The following CACNA1S variants were observed in gnomAD, a reference collection of about 807,000 sequenced individuals.
CACNA1S encodes the protein voltage-dependent L-type calcium channel subunit alpha-1S.
Under a neutral mutation model 207.4 loss-of-function variants are expected in CACNA1S, and 126 were observed. That is an observed-to-expected ratio of 0.61 (90% CI 0.53 to 0.70). The LOEUF is 0.70. Among genes scored for constraint, CACNA1S ranks in the 30% least tolerant of loss-of-function variants. The probability of loss-of-function intolerance (pLI) is 0.00; values close to 1 mark genes in which losing one functional copy is unlikely to be tolerated. For missense variants in CACNA1S, 2,349 were observed against 2,422.8 expected, an observed-to-expected ratio of 0.97 and a Z score of 0.64; for synonymous variants, 960 against 932.7, an observed-to-expected ratio of 1.03 and a Z score of -0.53.
chr1:201,039,923 T>C lies in CACNA1S; in HGVS notation c.5530A>G (p.Ser1844Gly). 6.2e-7 allele frequency: 1 copy of C among 1,614,122 alleles called. No homozygotes were observed. The highest frequency in any genetic ancestry group is 8.5e-7 in the Non-Finnish European group (1 of 1,180,036). The change falls in exon 44 of 44, where the codon AGC becomes GGC. Residue 1844 changes from serine to glycine, a missense_variant. By Grantham distance (56) the Ser-to-Gly change is moderately conservative. Transcript: ENST00000362061. ...KGREAPEGMASSLGCLNLGSS... is the reference protein window; with the variant it reads ...KGREAPEGMAGSLGCLNLGSS... ...CCGAGGTTCAGGCATCCCAGGGAGC[T>C]GGCCATGCCCTCTGGGGCCTCTCGT...
chr1:201,049,057 C>A lies in CACNA1S; in HGVS notation c.4284G>T (p.Arg1428Ser). ...TCCCAAAGCCCAGAGGGGGCTGAAT[C>A]CTTCTCAGCAGGGTCACCACGTCCA... ...KHLDVVTLLR[R>S]IQPPLGFGKF... is the part of the protein sequence containing the mutation. The change falls in exon 35 of 44, where the codon AGG becomes AGT. Residue 1428 changes from arginine (R) to serine (S), a missense_variant. Coordinates refer to ENST00000362061, the MANE Select transcript of CACNA1S (RefSeq NM_000069.3). 6.2e-7 allele frequency: 1 copy of A among 1,613,850 alleles called. No individual in the cohort carries two copies. Among genetic ancestry groups the A allele is most frequent in the Non-Finnish European group, 8.5e-7 (1 of 1,179,920 alleles).
rs7532130 is a variant in CACNA1S, at chr1:201,091,397, C to T, written c.694+243G>A. On this transcript the variant is annotated intron_variant, in intron 5 of 43. Coordinates refer to ENST00000362061, the MANE Select transcript of CACNA1S (RefSeq NM_000069.3). ...GGAACATACCACATTGTATGTGGGG[C>T]AGGGGGGTGACGGTGTTTCAGAACC... Among the ~76,000 whole-genome samples, 151,711 of 152,340 alleles carry T rather than the reference C, an allele frequency of 1. 75,543 individuals carry two copies. The highest frequency in any genetic ancestry group is 1 in the Middle Eastern group (294 of 294).
At chr1:201,049,903 A>T (rs1481265816) in intron 34 of CACNA1S, among the ~76,000 whole-genome samples, 1 of 152,200 alleles carries the variant, frequency 6.6e-6, no homozygotes, top group Non-Finnish European at 1.5e-5. Flanking sequence ...TCTGAGACTG[A>T]GACCATCGGG....
chr1:201,045,414 T>C (rs1374499365), intron 38 of CACNA1S, among the ~76,000 whole-genome samples: 1 of 152,124 alleles, frequency 6.6e-6, no homozygotes, highest in Non-Finnish European at 1.5e-5. Flanking sequence ...GCAAATGAAA[T>C]TTGAATGGGG....
intron 2 of CACNA1S, among the ~76,000 whole-genome samples, chr1:201,095,355 G>T (rs1440418002): frequency 6.6e-6 from 1 of 152,090 alleles, no homozygotes; most frequent in East Asian, 1.9e-4. Flanking sequence ...TCAGCACACT[G>T]CGGAGGCGTC....
chr1:201,045,974 T>C (rs1660455327), intron 38 of CACNA1S, among the ~76,000 whole-genome samples: 1 of 148,440 alleles, frequency 6.7e-6, no homozygotes, highest in Non-Finnish European at 1.5e-5. Context: ...TTTTTAAAAG[T>C]ATGAGATTAT....
chr1:201,087,227 G>C lies in CACNA1S; in HGVS notation c.1004+599C>G, dbSNP rs148064869. On this transcript the variant is annotated intron_variant, in intron 7 of 43. Coordinates refer to ENST00000362061, the MANE Select transcript of CACNA1S (RefSeq NM_000069.3). ...TATATGTATTAACTTATTTAATCCT[G>C]ACAACAACCCTATGAGATAGATACT... Among the ~76,000 whole-genome samples the C allele has an allele frequency of 7.6e-4, 116 of 152,312 alleles. 2 individuals are homozygous for C. The Middle Eastern group carries it at 0.014, about 18-fold the overall frequency.
At chr1:201,103,315 A>G (rs191502560) in intron 2 of CACNA1S, among the ~76,000 whole-genome samples, 18 of 151,860 alleles carry the variant, frequency 1.2e-4, no homozygotes, top group Non-Finnish European at 2.9e-5. Context: ...AGGTTCAGAG[A>G]GTTTAGGAAG....
intron 12 of CACNA1S, among the ~76,000 whole-genome samples, chr1:201,076,619 C>T (rs138456731): frequency 1.1e-3 from 173 of 152,332 alleles, no homozygotes; most frequent in African/African-American, 3.8e-3. Context: ...AGCACGCATC[C>T]GGACTCCCAG....
rs115435141 is a variant in CACNA1S, at chr1:201,072,509, C to G, written c.2227+246G>C. On this transcript the variant is annotated intron_variant, in intron 16 of 43. Transcript: ENST00000362061. Reference sequence around the variant, plus strand: ...TTGGCAGTGAGGCACATAGCTGGCACTCAATAAATACTTGCTGAGTTACAT... The same window carrying G: ...TTGGCAGTGAGGCACATAGCTGGCAGTCAATAAATACTTGCTGAGTTACAT... Among the ~76,000 whole-genome samples, 1,356 of 152,288 alleles carry G rather than the reference C, an allele frequency of 8.9e-3. 14 individuals carry two copies. The highest frequency in any genetic ancestry group is 0.013 in the Non-Finnish European group (911 of 68,022).
chr1:201,083,046 A>T, intron 10 of CACNA1S, 116 bp downstream of exon 10: 1 of 1,092,310 alleles, frequency 9.2e-7, no homozygotes, highest in Admixed American at 2.0e-5. Context: ...TTTTAGAAAA[A>T]TGATGTCAAT....
chr1:201,106,668 T>C (rs998135), intron 2 of CACNA1S, among the ~76,000 whole-genome samples: 78,038 of 151,900 alleles, frequency 0.51, 22,407 homozygotes, highest in East Asian at 0.77. Context: ...CAAGTGCAGA[T>C]TGCCACAAGC....
chr1:201,062,121 G>A (rs1377639518), intron 23 of CACNA1S, 31 bp from the exon 24 acceptor site: 2 of 1,608,292 alleles, frequency 1.2e-6, no homozygotes, highest in East Asian at 2.2e-5. Flanking sequence ...CACTCCACAG[G>A]GCATGGCTGG....
intron 2 of CACNA1S, among the ~76,000 whole-genome samples, chr1:201,102,122 C>T (rs1662693047): frequency 6.6e-6 from 1 of 152,198 alleles, no homozygotes; most frequent in Non-Finnish European, 1.5e-5. Context: ...ACTGAGGTTT[C>T]TGTGGTGCTG....
chr1:201,040,066 C>G lies in CACNA1S; in HGVS notation c.5387G>C (p.Gly1796Ala), dbSNP rs746407476. The G allele has an allele frequency of 6.2e-7, 1 of 1,614,198 alleles. No individual in the cohort carries two copies. The highest frequency in any genetic ancestry group is 1.1e-5 in the South Asian group (1 of 91,086). ...TGCATCAGCTGCCAAGGTGCCCAGG[C>G]CCCCTCGAACCAGAGCCTGCAGGGA... Reference protein sequence around the residue: ...LLIQKALVRGGLGTLAADANF... With the variant: ...LLIQKALVRGALGTLAADANF... The change falls in exon 44 of 44, where the codon GGC becomes GCC. Residue 1796 changes from glycine (G) to alanine (A), a missense_variant. Transcript: ENST00000362061.
chr1:201,100,305 G>T (rs539039273), intron 2 of CACNA1S, among the ~76,000 whole-genome samples: 2 of 152,364 alleles, frequency 1.3e-5, no homozygotes, highest in South Asian at 4.1e-4. Context: ...AGGAGGCGTT[G>T]CCTGCTGTGA....
chr1:201,085,487 T>C lies in CACNA1S; in HGVS notation c.1099A>G (p.Met367Val), dbSNP rs770434654. Reference protein sequence around the residue: ...QQLDEDLRGYMSWITQGEVMD... With the variant: ...QQLDEDLRGYVSWITQGEVMD... ...ACCTCGCCCTGCGTGATCCAGCTCA[T>C]GTAGCCCCGAAGGTCCTCATCTAGT... The change falls in exon 8 of 44, where the codon ATG becomes GTG. Residue 367 changes from methionine (M) to valine (V), a missense_variant. Coordinates refer to ENST00000362061, the MANE Select transcript of CACNA1S (RefSeq NM_000069.3). 3.7e-6 allele frequency: 6 copies of C among 1,613,054 alleles called. No homozygotes were observed. Among genetic ancestry groups the C allele is most frequent in the Middle Eastern group, 1.6e-4 (1 of 6,062 alleles).
Position 201,052,804 on chromosome 1 carries a change from C to T in CACNA1S, c.3862-156G>A, listed in dbSNP as rs577281670. 2.1e-4 allele frequency among the ~76,000 whole-genome samples: 32 copies of T among 151,968 alleles called. No individual in the cohort carries two copies. In the East Asian group the frequency reaches 3.7e-3, roughly 17 times the overall value. On this transcript the variant is annotated intron_variant, in intron 31 of 43. Coordinates refer to ENST00000362061, the MANE Select transcript of CACNA1S (RefSeq NM_000069.3). ...ACATCAGACCTGAAGCCAAAAAAAA[C>T]GGGATTATTTTCTAGATCAGGTAAA...
At chr1:201,055,722 G>A (rs900862124) in intron 28 of CACNA1S, among the ~76,000 whole-genome samples, 4 of 152,030 alleles carry the variant, frequency 2.6e-5, no homozygotes. Flanking sequence ...CCTTTCCCTG[G>A]TTTGTACATC....
Sources: allele counts gnomAD v4.1 joint callset (sites outside exome capture counted in the v4.1 genomes callset), GRCh38; gene constraint gnomAD v4.1.1; transcripts MANE v1.5; gene names NCBI Gene and HGNC (gene_info 2026-07-23, HGNC 2026-07-21).